Variants in TG observed in about 807,000 individuals in gnomAD.
The protein encoded by TG is thyroglobulin.
In TG, 270 loss-of-function variants were observed where a neutral mutation model predicts 324.7. That is an observed-to-expected ratio of 0.83 (90% confidence interval 0.75 to 0.92). The LOEUF is 0.92. Ranked by LOEUF, TG falls within the 40% of genes least tolerant of loss-of-function variation. The probability of loss-of-function intolerance (pLI) is 0.00; values close to 1 mark genes in which losing one functional copy is unlikely to be tolerated. For synonymous variants in TG, 1,401 were observed against 1,327.0 expected, an observed-to-expected ratio of 1.06 and a Z score of -1.21; for missense variants, 3,591 against 3,456.4, an observed-to-expected ratio of 1.04 and a Z score of -0.98.
chr8:132,900,704 A>G (rs1817795390), intron 15 of TG, among the ~76,000 whole-genome samples: 2 of 152,208 alleles, frequency 1.3e-5, no homozygotes. Flanking sequence ...GGCAATGTGC[A>G]GATGTCCCTC....
chr8:132,918,875 T>C (rs1032112649), intron 20 of TG, among the ~76,000 whole-genome samples: 1 of 152,370 alleles, frequency 6.6e-6, no homozygotes, highest in African/African-American at 2.4e-5. Flanking sequence ...AAGTCATGCA[T>C]GGACGTCTGA....
chr8:132,972,620 T>G lies in TG; in HGVS notation c.6078T>G (p.Thr2026=). 6.5e-7 allele frequency: 1 copy of G among 1,546,146 alleles called. No individual in the cohort carries two copies. ...QLKGGEVTCL[T]LNSLGIQMCS... ...CAGGAGGAGAGGTGACATGTCTCAC[T>G]CTGAACAGCTTGGGAATTCAGATGT... Residue 2026 remains threonine (T), a synonymous_variant, in exon 34 of 48, where the codon ACT becomes ACG. Transcript: ENST00000220616.
At chr8:133,040,709 G>C (rs1425644422) in intron 41 of TG, among the ~76,000 whole-genome samples, 1 of 152,102 alleles carries the variant, frequency 6.6e-6, no homozygotes, top group Non-Finnish European at 1.5e-5. Context: ...AGGAATGAAA[G>C]AGGGCGAGGA....
At chr8:133,038,520 T>A in intron 41 of TG, 1 of 1,602,480 alleles carries the variant, frequency 6.2e-7, no homozygotes, top group Non-Finnish European at 8.6e-7. Context: ...GTGTCTGTTC[T>A]TGGCTAGTCC....
rs374869663 is a variant in TG, at chr8:133,021,738, C to T, written c.6877-253C>T. 1.3e-3 allele frequency among the ~76,000 whole-genome samples: 195 copies of T among 152,234 alleles called. 1 individual carries two copies. Among genetic ancestry groups the T allele is most frequent in the Middle Eastern group, 6.8e-3 (2 of 294 alleles). The stretch of plus-strand genomic sequence containing the variant: ...TGACCCCCTCTTCTTATAAGGACAC[C>T]GGTCCTATTGGTGACTTCATTTTAC... On this transcript the variant is annotated intron_variant, in intron 39 of 47. Transcript: ENST00000220616.
At chr8:132,940,131 C>T (rs945523385) in intron 25 of TG, among the ~76,000 whole-genome samples, 3 of 152,154 alleles carry the variant, frequency 2.0e-5, no homozygotes, top group Non-Finnish European at 4.4e-5. Flanking sequence ...AGCTCGTGCT[C>T]TTGGGTCTCA....
rs979139864 is a variant in TG at position 132,881,925 on chromosome 8, A to G, written c.701A>G (p.Tyr234Cys). Residue 234 changes from tyrosine (Y) to cysteine (C), a missense_variant, in exon 6 of 48, where the codon TAT (tyrosine) becomes TGT (cysteine). Tyr to Cys is a radical substitution (Grantham distance 194). Transcript: ENST00000220616. ...AGGAGGTTCCCTGAGGTATCTGGGT[A>G]TTGCCACTGTGCTGACAGCCAAGGG... ...FQRRFPEVSG[Y>C]CHCADSQGRE... 2 of 1,614,160 alleles carry G rather than the reference A, an allele frequency of 1.2e-6. No individual in the cohort carries two copies. Among genetic ancestry groups the G allele is most frequent in the Non-Finnish European group, 1.7e-6 (2 of 1,179,998 alleles).
intron 35 of TG, among the ~76,000 whole-genome samples, chr8:133,011,368 C>T (rs1834492266): frequency 6.6e-6 from 1 of 151,710 alleles, no homozygotes; most frequent in Admixed American, 6.6e-5. Flanking sequence ...ATCAGCTTAA[C>T]AACAGTTGGG....
Position 132,980,306 on chromosome 8 carries a change from G to A in TG, c.6200-3044G>A, listed in dbSNP as rs182595040. Among the ~76,000 whole-genome samples the A allele has an allele frequency of 1.6e-3, 248 of 152,134 alleles. 3 individuals carry two copies. Among genetic ancestry groups the A allele is most frequent in the African/African-American group, 5.7e-3 (238 of 41,518 alleles). ...AGAAGAGAACAGCTGGAGATTGAGT[G>A]CATTGACCAATGGCCCATGACTTAC... On this transcript the variant is annotated intron_variant, in intron 34 of 47. Transcript: ENST00000220616.
In TG at chr8:133,121,285, C is replaced by T. The variant is rs138422840; in HGVS notation, c.7862+4569C>T. Reference sequence around the variant, plus strand: ...GGGAGGCCGGAGAGGTCTGAAGCACCGATTCTTCACTGGGTTCTAGGCAGC... The same window carrying T: ...GGGAGGCCGGAGAGGTCTGAAGCACTGATTCTTCACTGGGTTCTAGGCAGC... On this transcript the variant is annotated intron_variant, in intron 45 of 47. Transcript: ENST00000220616. Among the ~76,000 whole-genome samples, 282 of 152,216 alleles carry T rather than the reference C, an allele frequency of 1.9e-3. 1 individual carries two copies. The highest frequency in any genetic ancestry group is 6.1e-3 in the African/African-American group (254 of 41,522).
chr8:132,950,441 G>A (rs1024396563), intron 27 of TG, among the ~76,000 whole-genome samples: 1 of 152,240 alleles, frequency 6.6e-6, no homozygotes, highest in Admixed American at 6.5e-5. Context: ...GCCTCCCAGG[G>A]AAGCTTCTGA....
chr8:133,027,571 T>A (rs1051199598), intron 40 of TG, among the ~76,000 whole-genome samples: 4 of 152,202 alleles, frequency 2.6e-5, no homozygotes, highest in African/African-American at 7.2e-5. Flanking sequence ...GATAGCCTCA[T>A]GGCCCATCTT....
intron 32 of TG, among the ~76,000 whole-genome samples, chr8:132,970,005 C>T (rs2130512389): frequency 6.6e-6 from 1 of 150,816 alleles, no homozygotes; most frequent in South Asian, 2.1e-4. Context: ...CTGAAAACCT[C>T]AGCTAAGGTA....
At chr8:132,993,024 A>T (rs1251610739) in intron 35 of TG, among the ~76,000 whole-genome samples, 4 of 152,136 alleles carry the variant, frequency 2.6e-5, no homozygotes, top group African/African-American at 4.8e-5. Context: ...CGAATGAATG[A>T]ATGGATTTTT....
chr8:133,131,499 G>A (rs139149445), intron 45 of TG, among the ~76,000 whole-genome samples: 283 of 152,290 alleles, frequency 1.9e-3, no homozygotes, highest in African/African-American at 6.4e-3. Context: ...CATAAGTATC[G>A]TGGTTAGAAT....
chr8:132,997,246 G>A (rs1222468410), intron 35 of TG, among the ~76,000 whole-genome samples: 1 of 152,220 alleles, frequency 6.6e-6, no homozygotes, highest in Non-Finnish European at 1.5e-5. Context: ...AAGAATGTAA[G>A]AGGGGAACCA....
chr8:132,906,933 CG>C, intron 17 of TG, 33 bp downstream of exon 17: 4 of 1,579,438 alleles, frequency 2.5e-6, no homozygotes, highest in Non-Finnish European at 3.4e-6. Context: ...TCCTGCACCC[CG>C]CTCCCTCTCA....
chr8:133,052,218 T>C (rs1479223915), intron 41 of TG, among the ~76,000 whole-genome samples: 1 of 152,194 alleles, frequency 6.6e-6, no homozygotes, highest in Admixed American at 6.5e-5. Flanking sequence ...AATACTAGAA[T>C]CAGTGAGAAA....
chr8:133,075,286 C>A (rs1844686545), intron 41 of TG, among the ~76,000 whole-genome samples: 1 of 152,186 alleles, frequency 6.6e-6, no homozygotes, highest in African/African-American at 2.4e-5. Context: ...ATCCCCAGAA[C>A]TCTCTGGGCC....
Sources: allele counts gnomAD v4.1 joint callset (sites outside exome capture counted in the v4.1 genomes callset), GRCh38; gene constraint gnomAD v4.1.1; transcripts MANE v1.5; gene names NCBI Gene and HGNC (gene_info 2026-07-23, HGNC 2026-07-21).